Variants in STXBP5L observed in about 807,000 individuals in gnomAD.
The protein encoded by STXBP5L is syntaxin binding protein 5L.
STXBP5L carries 65 observed loss-of-function variants against 144.5 expected under a neutral mutation model. That is an observed-to-expected ratio of 0.45 (90% CI 0.37 to 0.55). The LOEUF (loss-of-function observed/expected upper bound fraction) is 0.55. STXBP5L is among the 20% of genes least tolerant of loss of function. The pLI is 0.00. For missense variants in STXBP5L, 1,298 were observed against 1,405.5 expected, an observed-to-expected ratio of 0.92 and a Z score of 1.22; for synonymous variants, 505 against 469.6, an observed-to-expected ratio of 1.08 and a Z score of -0.97.
chr3:121,109,800 TG>T (rs1429343747), intron 5 of STXBP5L, among the ~76,000 whole-genome samples: 3 of 152,300 alleles, frequency 2.0e-5, no homozygotes, highest in Non-Finnish European at 2.9e-5. Flanking sequence ...GATCTAATAT[TG>T]ACAGTGAAAT....
chr3:121,157,404 A>G (rs2046155048), intron 8 of STXBP5L, 100 bp from the exon 9 acceptor site: 4 of 1,233,838 alleles, frequency 3.2e-6, no homozygotes, highest in African/African-American at 3.2e-5. Context: ...TGTTGTTAGT[A>G]TAATAATTTT....
intron 22 of STXBP5L, among the ~76,000 whole-genome samples, chr3:121,388,312 T>C (rs2046481629): frequency 6.6e-6 from 1 of 151,678 alleles, no homozygotes; most frequent in South Asian, 2.1e-4. Context: ...GACGATGGGG[T>C]TTTCTAAATA....
intron 20 of STXBP5L, among the ~76,000 whole-genome samples, chr3:121,358,721 G>T (rs991264468): frequency 6.6e-6 from 1 of 152,042 alleles, no homozygotes. Flanking sequence ...TTTTTAGATC[G>T]CACAAATAAG....
intron 5 of STXBP5L, among the ~76,000 whole-genome samples, chr3:121,074,159 C>G (rs1292122526): frequency 6.6e-6 from 1 of 152,102 alleles, no homozygotes; most frequent in Non-Finnish European, 1.5e-5. Context: ...GGAGCCTGGT[C>G]CAAGTATACT....
intron 3 of STXBP5L, among the ~76,000 whole-genome samples, chr3:120,973,115 G>T (rs188081427): frequency 6.6e-6 from 1 of 151,924 alleles, no homozygotes; most frequent in Admixed American, 6.6e-5. Context: ...TTCCCTTCTC[G>T]ATATTTTGGC....
chr3:120,946,335 T>C (rs976999497), intron 2 of STXBP5L, among the ~76,000 whole-genome samples: 3 of 151,754 alleles, frequency 2.0e-5, no homozygotes, highest in Non-Finnish European at 4.4e-5. Flanking sequence ...AACATATGGC[T>C]TCCATTTCAT....
At chr3:121,121,065 A>G (rs937529795) in intron 6 of STXBP5L, among the ~76,000 whole-genome samples, 42 of 151,280 alleles carry the variant, frequency 2.8e-4, no homozygotes, top group African/African-American at 9.7e-4. Context: ...TCTGTTATTT[A>G]TTATACTAAA....
chr3:120,996,668 C>G (rs1157832476), intron 3 of STXBP5L, among the ~76,000 whole-genome samples: 4 of 152,130 alleles, frequency 2.6e-5, no homozygotes, highest in Non-Finnish European at 5.9e-5. Context: ...CCTATGAATT[C>G]AACTTTTTTA....
intron 25 of STXBP5L, 26 bp downstream of exon 25, chr3:121,415,994 T>C (rs1209075027): frequency 1.9e-6 from 3 of 1,572,092 alleles, no homozygotes; most frequent in Non-Finnish European, 2.6e-6. Context: ...ATTATAGAAA[T>C]GTATTGCAAA....
At chr3:121,094,592 A>T (rs1402852572) in intron 5 of STXBP5L, among the ~76,000 whole-genome samples, 2 of 151,950 alleles carry the variant, frequency 1.3e-5, no homozygotes, top group Non-Finnish European at 2.9e-5. Context: ...CTAGGATTGC[A>T]ACCCCTGCCT....
chr3:121,179,886 A>C (rs2047076456), intron 9 of STXBP5L, among the ~76,000 whole-genome samples: 1 of 152,152 alleles, frequency 6.6e-6, no homozygotes, highest in African/African-American at 2.4e-5. Flanking sequence ...AGACAAAAAC[A>C]AAGAAAAAAG....
At chr3:121,037,016 T>A (rs555665348) in intron 3 of STXBP5L, among the ~76,000 whole-genome samples, 2 of 152,122 alleles carry the variant, frequency 1.3e-5, no homozygotes, top group East Asian at 3.9e-4. Context: ...AGCCTCAAAC[T>A]CCTGGGCTCA....
chr3:121,061,380 T>C (rs551060986), intron 5 of STXBP5L, among the ~76,000 whole-genome samples: 20 of 152,100 alleles, frequency 1.3e-4, no homozygotes, highest in Non-Finnish European at 2.2e-4. Context: ...CTGAGGAGTG[T>C]TTTACTTCCA....
At position 121,210,630 on chromosome 3, in the gene STXBP5L, G is replaced by C. The variant is rs529295935; in HGVS notation, c.956+4629G>C. On this transcript the variant is annotated intron_variant, in intron 10 of 26. Coordinates refer to ENST00000471454, the MANE Select transcript of STXBP5L (RefSeq NM_001308330.2). The stretch of plus-strand genomic sequence containing the variant: ...GTATAAGGTGTGAGTAAGGGATCCA[G>C]TTTCAGGTTTCTACATATGGCTAGC... 3.9e-5 allele frequency among the ~76,000 whole-genome samples: 6 copies of C among 152,194 alleles called. No homozygotes were observed. In the South Asian group the frequency reaches 6.2e-4, roughly 16 times the overall value.
At chr3:120,999,205 A>T (rs927491939) in intron 3 of STXBP5L, among the ~76,000 whole-genome samples, 7 of 152,118 alleles carry the variant, frequency 4.6e-5, no homozygotes, top group Non-Finnish European at 8.8e-5. Flanking sequence ...GGCATATGCT[A>T]CCACGTTCAG....
At chr3:121,031,915 G>A (rs554148573) in intron 3 of STXBP5L, among the ~76,000 whole-genome samples, 204 of 152,222 alleles carry the variant, frequency 1.3e-3, no homozygotes, top group Non-Finnish European at 2.2e-3. Flanking sequence ...CATAGTGGAA[G>A]GTTTTGCCAC....
chr3:121,383,491 C>G lies in STXBP5L; in HGVS notation c.2587+1959C>G, dbSNP rs573341360. On this transcript the variant is annotated intron_variant, in intron 22 of 26. Coordinates refer to ENST00000471454, the MANE Select transcript of STXBP5L (RefSeq NM_001308330.2). ...AAATGACAGAAGGGGTATGTGGGAA[C>G]TCTTTATACTATCTGTTAAATTTTC... 3.3e-5 allele frequency among the ~76,000 whole-genome samples: 5 copies of G among 152,192 alleles called. 1 individual carries two copies. The South Asian group carries it at 1.0e-3, about 32-fold the overall frequency.
chr3:121,176,150 A>G (rs1577120981), intron 9 of STXBP5L, among the ~76,000 whole-genome samples: 1 of 152,032 alleles, frequency 6.6e-6, no homozygotes, highest in Admixed American at 6.6e-5. Flanking sequence ...TGTAATTGAT[A>G]GAACAAGTGG....
chr3:121,085,861 G>A (rs915049258), intron 5 of STXBP5L, among the ~76,000 whole-genome samples: 3 of 151,938 alleles, frequency 2.0e-5, no homozygotes, highest in African/African-American at 7.3e-5. Context: ...GGCCCACATA[G>A]CCAAGACAAT....
Sources: allele counts gnomAD v4.1 joint callset (sites outside exome capture counted in the v4.1 genomes callset), GRCh38; gene constraint gnomAD v4.1.1; transcripts MANE v1.5; gene names NCBI Gene and HGNC (gene_info 2026-07-23, HGNC 2026-07-21).